Variants in ARHGEF19 observed in about 807,000 individuals in gnomAD.
ARHGEF19 encodes the protein Rho guanine nucleotide exchange factor 19, also known as Rho guanine nucleotide exchange factor (GEF) 19.
Under a neutral mutation model 87.6 loss-of-function variants are expected in ARHGEF19, and 92 were observed. That is an observed-to-expected ratio of 1.05 (90% CI 0.89 to 1.25). The LOEUF is 1.25. Ranked by LOEUF, ARHGEF19 falls within the 50% of genes most tolerant of loss-of-function variation. The pLI, the probability that ARHGEF19 is intolerant of heterozygous loss-of-function variation, is 0.00. For missense variants in ARHGEF19, 1,054 were observed against 1,051.8 expected (o/e 1.00, Z -0.03); for synonymous variants, 438 against 446.2 (o/e 0.98, Z 0.23).
Position 16,206,884 on chromosome 1 carries a change from T to C in ARHGEF19, c.1137+64A>G. 2.2e-6 allele frequency: 3 copies of C among 1,380,608 alleles called. No individual in the cohort carries two copies. Among genetic ancestry groups the C allele is most frequent in the Non-Finnish European group, 2.8e-6 (3 of 1,075,534 alleles). The allele number at this position is 1,380,608 out of a possible 1,614,324, so 85.5% of individuals were successfully genotyped here. A position where few individuals can be genotyped will look rare whatever the true frequency, so the allele number is the denominator to read the frequency against. ...CCTCCCTCTATGGCCCGGTTCCCGCTAAGTCCCCGGACCGCGTACTCCCCG... is the reference window on the plus strand; with the variant it reads ...CCTCCCTCTATGGCCCGGTTCCCGCCAAGTCCCCGGACCGCGTACTCCCCG... On this transcript the variant is annotated intron_variant, in intron 6 of 15. Coordinates refer to ENST00000270747, the MANE Select transcript of ARHGEF19 (RefSeq NM_153213.5). This position sits in a 1 kb window ranked among gnomAD's most constrained non-coding sequence, Gnocchi z 4.6.
Position 16,208,048 on chromosome 1 carries a change from G to A in ARHGEF19, c.590C>T (p.Ser197Leu). The change falls in exon 3 of 16, where the codon TCG becomes TTG. Residue 197 changes from serine (S) to leucine (L), a missense_variant. Coordinates refer to ENST00000270747, the MANE Select transcript of ARHGEF19 (RefSeq NM_153213.5). ...CAGCCGGGTCATCAGCTCCGATGCCGAGAAGCGCCTCCGCTCAGGACCTTC... is the reference window on the plus strand; with the variant it reads ...CAGCCGGGTCATCAGCTCCGATGCCAAGAAGCGCCTCCGCTCAGGACCTTC... The part of the protein sequence containing the change: ...SLEGPERRRF[S>L]ASELMTRLHS... 5 of 1,613,830 alleles carry A rather than the reference G, an allele frequency of 3.1e-6. No individual in the cohort carries two copies. The highest frequency in any genetic ancestry group is 4.2e-6 in the Non-Finnish European group (5 of 1,180,034).
At position 16,207,098 on chromosome 1, in the gene ARHGEF19, C is replaced by G; in HGVS notation, c.987G>C (p.Gly329=). Residue 329 remains glycine (G), a synonymous_variant, in exon 6 of 16, where the codon GGG becomes GGC. Coordinates refer to ENST00000270747, the MANE Select transcript of ARHGEF19 (RefSeq NM_153213.5). This position sits in a 1 kb window ranked among gnomAD's most constrained non-coding sequence, Gnocchi z 4.0. ...TGGGGGAGAGGTTGGCCCGCGGCGG[C>G]CCCGGCCCCTCCTCTGCGCCCTCGG... ...DEAEGAEEGP[G]PPRANLSPSS... 2 of 1,509,592 alleles carry G rather than the reference C, an allele frequency of 1.3e-6. No homozygotes were observed. Among genetic ancestry groups the G allele is most frequent in the Non-Finnish European group, 1.8e-6 (2 of 1,132,766 alleles). The allele number at this position is 1,509,592 out of a possible 1,614,324, so 93.5% of individuals were successfully genotyped here. A position where few individuals can be genotyped will look rare whatever the true frequency, so the allele number is the denominator to read the frequency against.
At chr1:16,203,859 T>C (rs1056336369) in intron 12 of ARHGEF19, among the ~76,000 whole-genome samples, 1 of 152,220 alleles carries the variant, frequency 6.6e-6, no homozygotes, top group Non-Finnish European at 1.5e-5. Flanking sequence ...AAAACCCTGA[T>C]GATATGGTTG....
chr1:16,199,788 G>A (rs982857732), intron 14 of ARHGEF19, among the ~76,000 whole-genome samples: 1 of 151,716 alleles, frequency 6.6e-6, no homozygotes, highest in Non-Finnish European at 1.5e-5. Flanking sequence ...GTCTGGCATC[G>A]CCCCCTGCTA....
At chr1:16,199,541 C>A (rs1036421864) in intron 14 of ARHGEF19, among the ~76,000 whole-genome samples, 2 of 152,106 alleles carry the variant, frequency 1.3e-5, no homozygotes, top group Non-Finnish European at 2.9e-5. Flanking sequence ...CTCCCCAGCT[C>A]AAGCCAACAC....
rs372643435 is a variant in ARHGEF19, at chr1:16,205,605, C to T, written c.1514G>A (p.Arg505His). The T allele has an allele frequency of 2.9e-5, 47 of 1,613,722 alleles. No homozygotes were observed. The highest frequency in any genetic ancestry group is 4.4e-5 in the South Asian group (4 of 91,060). Residue 505 changes from arginine to histidine, a missense_variant, in exon 9 of 16, where the codon CGT (arginine) becomes CAT (histidine). Transcript: ENST00000270747. The surrounding 1 kb of genome is among the most constrained non-coding windows in gnomAD (Gnocchi z 5.8). ...GATAAGGAAGGAGGTAAGGGGCAGA[C>T]GCTGGCACACAGGAGACTCCTCCAG... ...ARLEESPVCQ[R>H]LPLTSFLILP... is the part of the protein sequence containing the mutation.
At chr1:16,202,830 TTCTC>T (rs1246565360) in intron 12 of ARHGEF19, among the ~76,000 whole-genome samples, 2 of 152,072 alleles carry the variant, frequency 1.3e-5, no homozygotes, top group African/African-American at 4.8e-5. Context: ...CTTTTGACCT[TTCTC>T]TCTCTCTTTT....
rs1569706588 is a variant in ARHGEF19, at chr1:16,205,190, G to A, written c.1657-14C>T. The A allele has an allele frequency of 6.3e-7, 1 of 1,593,878 alleles. No homozygotes were observed. The highest frequency in any genetic ancestry group is 8.5e-7 in the Non-Finnish European group (1 of 1,170,090). ...CTCCTGCACCAGCTGGGGGAGCCGT[G>A]GGGAGGTCACCTGCAGCCCCTCAGC... On this transcript the variant is annotated splice_polypyrimidine_tract_variant and intron_variant, in intron 10 of 15. Coordinates refer to ENST00000270747, the MANE Select transcript of ARHGEF19 (RefSeq NM_153213.5). The surrounding 1 kb of genome is among the most constrained non-coding windows in gnomAD (Gnocchi z 5.8).
rs1011228398 is a variant in ARHGEF19 at position 16,207,238 on chromosome 1, G to T, written c.875-28C>A. ...GGGGGAAAGACGGGCGGGGGAGAGCGTGGGGCGCCCGCCAGCCCCTGCCCG... is the reference window on the plus strand; with the variant it reads ...GGGGGAAAGACGGGCGGGGGAGAGCTTGGGGCGCCCGCCAGCCCCTGCCCG... On this transcript the variant is annotated intron_variant, in intron 5 of 15. Coordinates refer to ENST00000270747, the MANE Select transcript of ARHGEF19 (RefSeq NM_153213.5). The surrounding 1 kb of genome is among the most constrained non-coding windows in gnomAD (Gnocchi z 4.0). 2 of 1,477,114 alleles carry T rather than the reference G, an allele frequency of 1.4e-6. No individual in the cohort carries two copies. The highest frequency in any genetic ancestry group is 2.4e-5 in the Admixed American group (1 of 41,302). The allele number at this position is 1,477,114 out of a possible 1,614,324, so 91.5% of individuals were successfully genotyped here.
chr1:16,201,675 G>A, intron 14 of ARHGEF19, 107 bp downstream of exon 14: 2 of 1,237,138 alleles, frequency 1.6e-6, no homozygotes, highest in Non-Finnish European at 1.1e-6. Flanking sequence ...CCAGAAGTTG[G>A]TCTCTCTCCC....
intron 13 of ARHGEF19, 121 bp downstream of exon 13, chr1:16,202,295 G>A: frequency 2.2e-6 from 3 of 1,380,324 alleles, no homozygotes; most frequent in Non-Finnish European, 2.9e-6. Context: ...AGCACTTGGG[G>A]AGGAACAAGG....
chr1:16,207,209 G>A lies in ARHGEF19; in HGVS notation c.876C>T (p.Ser292=). The change falls in exon 6 of 16, where the codon TCC becomes TCT. Residue 292 remains serine (S), a splice_region_variant and synonymous_variant. Coordinates refer to ENST00000270747, the MANE Select transcript of ARHGEF19 (RefSeq NM_153213.5). This position sits in a 1 kb window ranked among gnomAD's most constrained non-coding sequence, Gnocchi z 4.0. ...ERRQSRFLLN[S]VLYQEYSDVA... is the part of the protein sequence containing the mutation. ...CGTCGCTGTATTCCTGATAGAGGAC[G>A]GCTGGGGGAAAGACGGGCGGGGGAG... 2.6e-6 allele frequency: 4 copies of A among 1,517,592 alleles called. No individual in the cohort carries two copies. Among genetic ancestry groups the A allele is most frequent in the Non-Finnish European group, 1.8e-6 (2 of 1,137,870 alleles). The allele number at this position is 1,517,592 out of a possible 1,614,324, so 94.0% of individuals were successfully genotyped here.
chr1:16,210,440 G>A (rs2081188933), intron 1 of ARHGEF19, among the ~76,000 whole-genome samples: 1 of 152,188 alleles, frequency 6.6e-6, no homozygotes, highest in South Asian at 2.1e-4. Context: ...GACTGAGAGA[G>A]ACCCAGAGAA....
At chr1:16,203,403 G>A (rs905377716) in intron 12 of ARHGEF19, among the ~76,000 whole-genome samples, 1 of 151,828 alleles carries the variant, frequency 6.6e-6, no homozygotes, top group African/African-American at 2.4e-5. Flanking sequence ...CCTCCTTATT[G>A]TCCCTTGAAT....
At position 16,206,833 on chromosome 1, in the gene ARHGEF19, C is replaced by T; in HGVS notation, c.1137+115G>A. 7.8e-7 allele frequency: 1 copy of T among 1,288,146 alleles called. No homozygotes were observed. Among genetic ancestry groups the T allele is most frequent in the Non-Finnish European group, 1.0e-6 (1 of 995,076 alleles). 79.8% of individuals were successfully genotyped at this position (1,288,146 alleles called of 1,614,324 possible). On this transcript the variant is annotated intron_variant, in intron 6 of 15. Transcript: ENST00000270747. This position sits in a 1 kb window ranked among gnomAD's most constrained non-coding sequence, Gnocchi z 4.6. ...AGCCAACCTTCCGCGCGGACAGTCG[C>T]GCCAGCAACCCCCTTTGTGTGTCCC...
At position 16,198,398 on chromosome 1, in the gene ARHGEF19, T is replaced by G; in HGVS notation, c.*189A>C. 1 of 553,116 alleles carries G rather than the reference T, an allele frequency of 1.8e-6. No homozygotes were observed. Among genetic ancestry groups the G allele is most frequent in the South Asian group, 4.3e-5 (1 of 23,262 alleles). 34.3% of individuals were successfully genotyped at this position (553,116 alleles called of 1,614,324 possible). A position where few individuals can be genotyped will look rare whatever the true frequency, so the allele number is the denominator to read the frequency against. Reference sequence around the variant, plus strand: ...ATCCTTGGCCTTGAAGTGTGGACACTGAGGAGCATGAGGACGGAGAGACCC... The same window carrying G: ...ATCCTTGGCCTTGAAGTGTGGACACGGAGGAGCATGAGGACGGAGAGACCC... On this transcript the variant is annotated 3_prime_UTR_variant, in exon 16 of 16. Coordinates refer to ENST00000270747, the MANE Select transcript of ARHGEF19 (RefSeq NM_153213.5). The surrounding 1 kb of genome is among the most constrained non-coding windows in gnomAD (Gnocchi z 4.1).
Position 16,199,143 on chromosome 1 carries a change from C to A in ARHGEF19, c.2251+7G>T, listed in dbSNP as rs1569694660. The A allele has an allele frequency of 1.9e-6, 3 of 1,613,780 alleles. No homozygotes were observed. The African/African-American group carries it at 4.0e-5, about 22-fold the overall frequency. On this transcript the variant is annotated splice_region_variant and intron_variant, in intron 15 of 15. Transcript: ENST00000270747. The stretch of plus-strand genomic sequence containing the variant: ...ATCAGGGACACTTTCCCAGGAGGCC[C>A]CCTCACCGTCACTGGTCCAGGTCCT...
rs200637061 is a variant in ARHGEF19 at position 16,208,793 on chromosome 1, C to A, written c.262G>T (p.Glu88Ter). The A allele has an allele frequency of 6.2e-7, 1 of 1,613,542 alleles. No homozygotes were observed. The highest frequency in any genetic ancestry group is 8.5e-7 in the Non-Finnish European group (1 of 1,179,848). ...WPLSPGGSDTEITSGGMRPSR... is the reference protein window; with the variant it reads ...WPLSPGGSDT ...GGCCGCATCCCCCCGCTGGTGATCT[C>A]TGTATCTGAGCCTCCTGGGGATAAT... is the stretch of plus-strand genomic sequence containing the variant. Residue 88 changes from glutamate to a stop codon, truncating the protein, a stop_gained, in exon 2 of 16, where the codon GAG (glutamate) becomes TAG (stop). Coordinates refer to ENST00000270747, the MANE Select transcript of ARHGEF19 (RefSeq NM_153213.5). LOFTEE classifies it high-confidence loss of function.
intron 14 of ARHGEF19, 113 bp from the exon 15 acceptor site, chr1:16,199,367 T>C (rs1259612079): frequency 1.5e-5 from 12 of 819,940 alleles, no homozygotes; most frequent in Middle Eastern, 2.9e-4. Flanking sequence ...AAGGTGGCCA[T>C]TGAGGCTTCT....
Sources: gnomAD v4.1 joint callset for allele counts (sites outside exome capture counted in the v4.1 genomes callset) on GRCh38, gnomAD v4.1.1 for gene constraint, Gnocchi (gnomAD v3.1) non-coding constraint, MANE v1.5 for transcripts, NCBI Gene and HGNC (gene_info 2026-07-23, HGNC 2026-07-21) for gene names.